The following DNAAF5 variants were observed in gnomAD, a reference collection of about 807,000 sequenced individuals.
The protein encoded by DNAAF5 is dynein axonemal assembly factor 5.
A neutral mutation model predicts 75.8 loss-of-function variants in DNAAF5; 64 were observed. The ratio of observed to expected loss-of-function variants is 0.84; its 90% CI spans 0.69 to 1.04. The LOEUF (loss-of-function observed/expected upper bound fraction) is 1.04, where lower values mean the gene tolerates loss of function less well. DNAAF5 is among the 50% of genes least tolerant of loss of function. The pLI, the probability that DNAAF5 is intolerant of heterozygous loss-of-function variation, is 0.00. For missense variants in DNAAF5, 1,269 were observed against 1,178.5 expected (o/e 1.08, Z -1.12); for synonymous variants, 657 against 557.2 (o/e 1.18, Z -2.52).
rs528151330 is a variant in DNAAF5 at position 767,681 on chromosome 7, C to G, written c.1784-2790C>G. The stretch of plus-strand genomic sequence containing the variant: ...AGTGTCCGTGCTGCAAGCAGGAACT[C>G]GCACTGGGAGGGGAGACACGTGATC... On this transcript the variant is annotated intron_variant, in intron 8 of 12. Coordinates refer to ENST00000297440, the MANE Select transcript of DNAAF5 (RefSeq NM_017802.4). Among the ~76,000 whole-genome samples the G allele has an allele frequency of 3.9e-5, 6 of 152,036 alleles. No individual in the cohort carries two copies. In the South Asian group the frequency reaches 6.3e-4, roughly 16 times the overall value.
intron 2 of DNAAF5, among the ~76,000 whole-genome samples, chr7:730,288 A>G (rs1349314884): frequency 6.6e-6 from 1 of 151,886 alleles, no homozygotes; most frequent in Non-Finnish European, 1.5e-5. Flanking sequence ...GCAGGCAGGC[A>G]GGAGTCCTAC....
In DNAAF5 at chr7:752,890, T is replaced by C. The variant is rs116696951; in HGVS notation, c.1025-1699T>C. Among the ~76,000 whole-genome samples the C allele has an allele frequency of 7.5e-3, 1,140 of 152,304 alleles. 16 individuals are homozygous for C. Among genetic ancestry groups the C allele is most frequent in the African/African-American group, 0.026 (1,078 of 41,582 alleles). ...CAGGAAAACAATCCATTTTTTTAAA[T>C]GGGCAGAAAACAATTTGGAAAGACC... On this transcript the variant is annotated intron_variant, in intron 4 of 12. Transcript: ENST00000297440.
intron 2 of DNAAF5, among the ~76,000 whole-genome samples, chr7:740,405 G>A (rs1436562379): frequency 2.6e-5 from 4 of 152,180 alleles, no homozygotes; most frequent in Non-Finnish European, 4.4e-5. Flanking sequence ...CTGTAGCCAC[G>A]GCTCACCAAG....
Position 740,844 on chromosome 7 carries a change from T to C in DNAAF5, c.806T>C (p.Val269Ala), listed in dbSNP as rs1462126813. 1 of 1,613,988 alleles carries C rather than the reference T, an allele frequency of 6.2e-7. No individual in the cohort carries two copies. Among genetic ancestry groups the C allele is most frequent in the South Asian group, 1.1e-5 (1 of 91,084 alleles). ...GTCCGGCGGGCGGTGGCCTCCGTGG[T>C]GGGCGGCTGGCTGCTGTGTCTGCGT... ...PQVRRAVASV[V>A]GGWLLCLRDR... The change falls in exon 3 of 13, where the codon GTG (valine) becomes GCG (alanine). Residue 269 changes from valine to alanine, a missense_variant. Physicochemically the swap from Val to Ala is moderately conservative, Grantham distance 64. Transcript: ENST00000297440.
rs751698746 is a variant in DNAAF5, at chr7:780,157, C to T, written c.2431+13C>T. 13 of 1,610,580 alleles carry T rather than the reference C, an allele frequency of 8.1e-6. No individual in the cohort carries two copies. The highest frequency in any genetic ancestry group is 4.0e-5 in the African/African-American group (3 of 74,864). On this transcript the variant is annotated intron_variant, in intron 12 of 12. Coordinates refer to ENST00000297440, the MANE Select transcript of DNAAF5 (RefSeq NM_017802.4). The stretch of plus-strand genomic sequence containing the variant: ...GATGCAATTTTAGGTGAGACTCCGA[C>T]GGCTTGGCCTTCGTTCCGATGCCTG...
In DNAAF5 at chr7:785,943, G is replaced by A; in HGVS notation, c.*290G>A. The A allele has an allele frequency of 2.8e-6, 1 of 355,594 alleles. No homozygotes were observed. The highest frequency in any genetic ancestry group is 5.1e-6 in the Non-Finnish European group (1 of 195,680). The allele number at this position is 355,594 out of a possible 1,614,324, so 22.0% of individuals were successfully genotyped here. A position where few individuals can be genotyped will look rare whatever the true frequency, so the allele number is the denominator to read the frequency against. On this transcript the variant is annotated 3_prime_UTR_variant, in exon 13 of 13. Transcript: ENST00000297440. ...CCGCAGCCACTTCAGCAGCATCTTA[G>A]ATTTTAAGCCTCACGTGCGCAGCTG... is the stretch of plus-strand genomic sequence containing the variant.
At chr7:741,324 G>A in intron 3 of DNAAF5, 23 bp from the exon 4 acceptor site, 1 of 1,564,106 alleles carries the variant, frequency 6.4e-7, no homozygotes, top group Non-Finnish European at 8.7e-7. Context: ...CTGAGCCACT[G>A]TTGTCTGTCT....
At chr7:742,842 GCTCAAATCAATCATGCCCA>G (rs1781955597) in intron 4 of DNAAF5, among the ~76,000 whole-genome samples, 2 of 10,806 alleles carry the variant, frequency 1.9e-4, no homozygotes, top group Non-Finnish European at 5.7e-4. Flanking sequence ...ATCATGCCCA[GCTCAAATCAATCATGCCCA>G]GCTCAAATCA....
chr7:782,105 G>C (rs970757570), intron 12 of DNAAF5, among the ~76,000 whole-genome samples: 2 of 152,258 alleles, frequency 1.3e-5, no homozygotes, highest in Non-Finnish European at 2.9e-5. Flanking sequence ...ATGCGATGTC[G>C]GATCTTCCTG....
chr7:785,027 C>T (rs1406455829), intron 12 of DNAAF5, among the ~76,000 whole-genome samples: 1 of 151,954 alleles, frequency 6.6e-6, no homozygotes. Flanking sequence ...GACTGCCGTC[C>T]ACCCGTCCAG....
chr7:730,835 C>T (rs1357276521), intron 2 of DNAAF5, among the ~76,000 whole-genome samples: 1 of 152,188 alleles, frequency 6.6e-6, no homozygotes, highest in South Asian at 2.1e-4. Context: ...ATCAGGCCAG[C>T]GGAAGTTGAG....
At chr7:775,266 A>G (rs1164532121) in intron 11 of DNAAF5, 104 bp downstream of exon 11, 8 of 1,053,338 alleles carry the variant, frequency 7.6e-6, no homozygotes, top group Non-Finnish European at 1.2e-5. Flanking sequence ...GATCAAAACT[A>G]TCTCGGGCTG....
intron 12 of DNAAF5, among the ~76,000 whole-genome samples, chr7:782,350 G>C (rs539483426): frequency 6.6e-6 from 1 of 151,294 alleles, no homozygotes; most frequent in Non-Finnish European, 1.5e-5. Flanking sequence ...GGCTCTTCGC[G>C]GCGTGGCCGC....
At chr7:761,678 C>T (rs1782648504) in intron 6 of DNAAF5, 75 bp from the exon 7 acceptor site, 30 of 1,458,496 alleles carry the variant, frequency 2.1e-5, no homozygotes, top group Non-Finnish European at 2.8e-5. Context: ...ATGGGAGCTA[C>T]AGTTCAAGAT....
At chr7:728,218 A>G (rs900428382) in intron 1 of DNAAF5, among the ~76,000 whole-genome samples, 10 of 152,176 alleles carry the variant, frequency 6.6e-5, no homozygotes, top group South Asian at 2.1e-4. Flanking sequence ...ATGTGGAATG[A>G]TAGCAGGCGC....
chr7:777,437 T>C (rs1778800236), intron 11 of DNAAF5, among the ~76,000 whole-genome samples: 1 of 151,822 alleles, frequency 6.6e-6, no homozygotes, highest in Non-Finnish European at 1.5e-5. Context: ...AAAAAACAAG[T>C]TGAGAAACAA....
At chr7:760,280 T>G (rs909430398) in intron 6 of DNAAF5, among the ~76,000 whole-genome samples, 15 of 152,268 alleles carry the variant, frequency 9.9e-5, no homozygotes, top group South Asian at 4.1e-4. Flanking sequence ...TAGAGCTGAT[T>G]AGGAAATTTA....
intron 8 of DNAAF5, chr7:769,032 C>T: frequency 1.6e-6 from 1 of 633,904 alleles, no homozygotes; most frequent in South Asian, 1.7e-5. Context: ...CCCTCCAAGA[C>T]ACCAGCTGGT....
chr7:782,703 G>A (rs1415220047), intron 12 of DNAAF5, among the ~76,000 whole-genome samples: 8 of 98,168 alleles, frequency 8.1e-5, no homozygotes, highest in East Asian at 3.2e-4. Context: ...GTCACGCAGC[G>A]TCAGAAACTC....
Sources: allele counts gnomAD v4.1 joint callset (sites outside exome capture counted in the v4.1 genomes callset), GRCh38; gene constraint gnomAD v4.1.1; transcripts MANE v1.5; gene names NCBI Gene and HGNC (gene_info 2026-07-23, HGNC 2026-07-21).